The following N4BP2L2 variants were observed in gnomAD, a reference collection of about 807,000 sequenced individuals.
The protein encoded by N4BP2L2 is NEDD4 binding protein 2 like 2.
N4BP2L2 carries 50 observed loss-of-function variants against 56.2 expected under a neutral mutation model. The ratio of observed to expected loss-of-function variants is 0.89; its 90% confidence interval spans 0.71 to 1.13. N4BP2L2 has a LOEUF of 1.13. Ranked by LOEUF, N4BP2L2 falls within the 50% of genes most tolerant of loss-of-function variation. The pLI, the probability that N4BP2L2 is intolerant of heterozygous loss-of-function variation, is 0.00. For missense variants in N4BP2L2, 689 were observed against 693.8 expected (o/e 0.99, Z 0.08); for synonymous variants, 203 against 223.6 (o/e 0.91, Z 0.82).
At chr13:32,532,572 G>A (rs1162086385) in intron 2 of N4BP2L2, among the ~76,000 whole-genome samples, 1 of 149,628 alleles carries the variant, frequency 6.7e-6, no homozygotes, top group African/African-American at 2.5e-5. Flanking sequence ...TATGTTTCTG[G>A]ATTCTCTTTT....
At chr13:32,434,441 C>T (rs1030764742) in intron 9 of N4BP2L2, among the ~76,000 whole-genome samples, 1 of 151,786 alleles carries the variant, frequency 6.6e-6, no homozygotes, top group Admixed American at 6.6e-5. Flanking sequence ...TCATTTAATC[C>T]TCATTTAAAA....
intron 6 of N4BP2L2, among the ~76,000 whole-genome samples, chr13:32,465,422 C>A (rs558608369): frequency 6.6e-6 from 1 of 152,150 alleles, no homozygotes; most frequent in Non-Finnish European, 1.5e-5. Context: ...ATTTATAAAT[C>A]CATATTGATG....
At chr13:32,483,981 T>C (rs1434199966) in intron 6 of N4BP2L2, among the ~76,000 whole-genome samples, 1 of 126,198 alleles carries the variant, frequency 7.9e-6, no homozygotes, top group African/African-American at 3.3e-5. Context: ...CGAAACTCCA[T>C]CTAAAAAAGA....
At chr13:32,494,904 T>A (rs1404852263) in intron 6 of N4BP2L2, among the ~76,000 whole-genome samples, 2 of 151,132 alleles carry the variant, frequency 1.3e-5, no homozygotes, top group East Asian at 3.9e-4. Context: ...GTCCCTTTGC[T>A]CCCACCTCCT....
chr13:32,514,019 C>G (rs2048675013), exon 6 of N4BP2L2: 1 of 152,114 alleles, frequency 6.6e-6, no homozygotes, highest in Non-Finnish European at 1.5e-5. Flanking sequence ...CCTCTTAAAT[C>G]ATACTTTCAA....
chr13:32,526,823 T>G (rs1400818181), intron 3 of N4BP2L2: 2 of 134,076 alleles, frequency 1.5e-5, no homozygotes, highest in South Asian at 2.4e-4. Flanking sequence ...TGTCTGTTTT[T>G]TTTTTTTTTT....
chr13:32,448,702 T>C (rs2077404987), intron 6 of N4BP2L2, among the ~76,000 whole-genome samples: 1 of 152,118 alleles, frequency 6.6e-6, no homozygotes, highest in Non-Finnish European at 1.5e-5. Flanking sequence ...TGGTAAGTGA[T>C]AACCCTCATG....
chr13:32,491,763 C>CT (rs1487280608), intron 6 of N4BP2L2, among the ~76,000 whole-genome samples: 5 of 151,550 alleles, frequency 3.3e-5, no homozygotes, highest in Admixed American at 3.3e-4. Context: ...TCCCAAGTAG[C>CT]TGGGACTATA....
intron 3 of N4BP2L2, chr13:32,526,967 G>T (rs2053183136): frequency 6.6e-6 from 1 of 151,594 alleles, no homozygotes; most frequent in African/African-American, 2.4e-5. Flanking sequence ...TTCTTGTAGA[G>T]CAATATCAAT....
chr13:32,475,353 AAGAG>A (rs2083106268), intron 6 of N4BP2L2, among the ~76,000 whole-genome samples: 1 of 152,168 alleles, frequency 6.6e-6, no homozygotes, highest in African/African-American at 2.4e-5. Flanking sequence ...ATAGAAAAAG[AAGAG>A]AGAGAGAAAG....
intron 6 of N4BP2L2, among the ~76,000 whole-genome samples, chr13:32,453,019 G>A (rs1265149621): frequency 6.6e-6 from 1 of 152,196 alleles, no homozygotes. Context: ...AGCACTTTGG[G>A]AGGCTGAGGC....
chr13:32,465,486 T>C (rs902134956), intron 6 of N4BP2L2, among the ~76,000 whole-genome samples: 1 of 152,158 alleles, frequency 6.6e-6, no homozygotes, highest in Non-Finnish European at 1.5e-5. Flanking sequence ...TTACTCAAAA[T>C]AAGAAATTTA....
At chr13:32,459,302 A>T (rs1336188423) in intron 6 of N4BP2L2, among the ~76,000 whole-genome samples, 2 of 151,768 alleles carry the variant, frequency 1.3e-5, no homozygotes, top group Non-Finnish European at 2.9e-5. Context: ...AAGTAAAAAA[A>T]CAGAGATCAA....
At chr13:32,433,953 AAAG>A (rs1320296679) in intron 9 of N4BP2L2, among the ~76,000 whole-genome samples, 1 of 151,034 alleles carries the variant, frequency 6.6e-6, no homozygotes, top group East Asian at 1.9e-4. Context: ...AAAAAAAAGA[AAAG>A]AAAAGAAAAA....
At chr13:32,484,136 AT>A (rs915395761) in intron 6 of N4BP2L2, among the ~76,000 whole-genome samples, 6 of 150,864 alleles carry the variant, frequency 4.0e-5, no homozygotes, top group African/African-American at 1.2e-4. Flanking sequence ...CAGCCTGGGC[AT>A]TATGGCAAAA....
In N4BP2L2 at chr13:32,522,213, T is replaced by G. The variant is rs746569407; in HGVS notation, c.1442A>C (p.Gln481Pro). 5.7e-6 allele frequency: 9 copies of G among 1,572,112 alleles called. No individual in the cohort carries two copies. The Admixed American group carries it at 1.3e-4, about 23-fold the overall frequency. The change falls in exon 4 of 6, where the codon CAA (glutamine) becomes CCA (proline). Residue 481 changes from glutamine (Q) to proline (P), a missense_variant. Gln to Pro is a moderately conservative substitution (Grantham distance 76). Coordinates refer to ENST00000267068, the Ensembl canonical transcript of N4BP2L2. The stretch of plus-strand genomic sequence containing the variant: ...CACATATGGCTTCATTTCCCAAGCT[T>G]GTATATTAGTGTTATCTATTATAAC...
At chr13:32,485,289 A>C (rs1475424495) in intron 6 of N4BP2L2, among the ~76,000 whole-genome samples, 1 of 152,236 alleles carries the variant, frequency 6.6e-6, no homozygotes, top group Non-Finnish European at 1.5e-5. Context: ...GGTAAACTAG[A>C]TTTTAAAAGA....
chr13:32,467,653 G>GT (rs1177618889), intron 6 of N4BP2L2, among the ~76,000 whole-genome samples: 1 of 151,272 alleles, frequency 6.6e-6, no homozygotes, highest in Non-Finnish European at 1.5e-5. Flanking sequence ...ATTAATATAG[G>GT]TAACAATGAA....
chr13:32,519,305 C>T (rs562717099), intron 5 of N4BP2L2, among the ~76,000 whole-genome samples: 5 of 151,552 alleles, frequency 3.3e-5, no homozygotes, highest in Admixed American at 2.6e-4. Context: ...GTCCCAGTTA[C>T]TCCCAAGGTG....
Sources: gnomAD v4.1 joint callset for allele counts (sites outside exome capture counted in the v4.1 genomes callset) on GRCh38, gnomAD v4.1.1 for gene constraint, MANE v1.5 for transcripts, NCBI Gene and HGNC (gene_info 2026-07-23, HGNC 2026-07-21) for gene names.